The following NGLY1 variants were observed in gnomAD, a reference collection of about 807,000 sequenced individuals.
The protein encoded by NGLY1 is N-glycanase 1.
A neutral mutation model predicts 84.6 loss-of-function variants in NGLY1; 68 were observed. The ratio of observed to expected loss-of-function variants is 0.80; its 90% CI spans 0.66 to 0.98. The LOEUF (loss-of-function observed/expected upper bound fraction) is 0.98. Ranked by LOEUF, NGLY1 falls within the 50% of genes least tolerant of loss-of-function variation. The pLI is 0.00. For synonymous variants in NGLY1, 280 were observed against 275.2 expected (o/e 1.02, Z -0.17); for missense variants, 779 against 770.2 (o/e 1.01, Z -0.14).
chr3:25,787,716 G>A (rs1183689841), upstream of NGLY1, among the ~76,000 whole-genome samples: 2 of 152,174 alleles, frequency 1.3e-5, no homozygotes, highest in Non-Finnish European at 2.9e-5. Context: ...TATGGTCTCT[G>A]AACTACGGGA....
At chr3:25,771,795 A>G (rs6777695) in intron 2 of NGLY1, among the ~76,000 whole-genome samples, 123,971 of 152,054 alleles carry the variant, frequency 0.82, 50,930 homozygotes, top group East Asian at 0.94. Flanking sequence ...TTATTGCAGC[A>G]ATTGTAAAAG....
At chr3:25,773,542 T>G (rs537341082) in intron 2 of NGLY1, among the ~76,000 whole-genome samples, 2 of 152,324 alleles carry the variant, frequency 1.3e-5, no homozygotes, top group African/African-American at 4.8e-5. Flanking sequence ...TGTATCACTC[T>G]TTAAATTTCT....
chr3:25,788,144 T>A (rs1708644457), upstream of NGLY1, among the ~76,000 whole-genome samples: 1 of 152,198 alleles, frequency 6.6e-6, no homozygotes, highest in South Asian at 2.1e-4. Context: ...CCTCTACTCA[T>A]TTTTGCATTC....
Position 25,729,147 on chromosome 3 carries a change from T to C in NGLY1, c.1597A>G (p.Thr533Ala), listed in dbSNP as rs775390029. 1.3e-6 allele frequency: 2 copies of C among 1,512,126 alleles called. No individual in the cohort carries two copies. Among genetic ancestry groups the C allele is most frequent in the South Asian group, 1.4e-5 (1 of 73,704 alleles). The allele number at this position is 1,512,126 out of a possible 1,614,324, so 93.7% of individuals were successfully genotyped here. ...CATTAAGTTACCATGTGCCAGTCTG[T>C]TTCAACTTTTCTGAATATAGATTCC... ...KMESIFRKVE[T>A]DWHMVYLARK... is the part of the protein sequence containing the mutation. Residue 533 changes from threonine (T) to alanine (A), a missense_variant, in exon 10 of 12, where the codon ACA (threonine) becomes GCA (alanine). Transcript: ENST00000280700.
intron 2 of NGLY1, among the ~76,000 whole-genome samples, chr3:25,776,467 C>T (rs970528502): frequency 6.6e-6 from 1 of 152,100 alleles, no homozygotes; most frequent in East Asian, 1.9e-4. Context: ...TCTTTATGTT[C>T]GGATACCTTT....
intron 1 of NGLY1, among the ~76,000 whole-genome samples, chr3:25,782,182 A>C (rs2125328957): frequency 6.6e-6 from 1 of 152,288 alleles, no homozygotes; most frequent in South Asian, 2.1e-4. Flanking sequence ...CCATTGCCTA[A>C]ATGAAATATT....
chr3:25,770,470 T>C lies in NGLY1; in HGVS notation c.247-6159A>G, dbSNP rs78376968. ...TGGCCTCCACATTTTCTTCATCCAC[T>C]TGTTGACTGATGGATTGATTCCATA... On this transcript the variant is annotated intron_variant, in intron 2 of 11. Coordinates refer to ENST00000280700, the MANE Select transcript of NGLY1 (RefSeq NM_018297.4). Among the ~76,000 whole-genome samples, 684 of 152,292 alleles carry C rather than the reference T, an allele frequency of 4.5e-3. 5 individuals carry two copies. Among genetic ancestry groups the C allele is most frequent in the African/African-American group, 0.015 (642 of 41,570 alleles).
chr3:25,755,511 C>T (rs753269262), intron 3 of NGLY1: 8 of 1,454,878 alleles, frequency 5.5e-6, no homozygotes, highest in Non-Finnish European at 7.7e-6. Flanking sequence ...ACCTGTCAAA[C>T]CAGTTCCTGC....
At chr3:25,768,112 C>CAAAAAA (rs1165791295) in intron 2 of NGLY1, among the ~76,000 whole-genome samples, 2 of 49,152 alleles carry the variant, frequency 4.1e-5, no homozygotes, top group Non-Finnish European at 7.6e-5. Flanking sequence ...GACTCCATCT[C>CAAAAAA]AAAAAAAAAA....
At chr3:25,726,226 A>ACG (rs1228857262) in intron 10 of NGLY1, among the ~76,000 whole-genome samples, 1 of 152,226 alleles carries the variant, frequency 6.6e-6, no homozygotes, top group East Asian at 1.9e-4. Context: ...AATTTATGCC[A>ACG]CGTACATTTT....
At chr3:25,724,870 T>C (rs963274558) in intron 10 of NGLY1, among the ~76,000 whole-genome samples, 1 of 152,238 alleles carries the variant, frequency 6.6e-6, no homozygotes, top group Non-Finnish European at 1.5e-5. Context: ...TATTATGATA[T>C]GTGTATATAT....
rs1020269804 is a variant in NGLY1, at chr3:25,783,153, G to A, written c.131+107C>T. 1.9e-6 allele frequency: 2 copies of A among 1,044,420 alleles called. No individual in the cohort carries two copies. The highest frequency in any genetic ancestry group is 2.8e-6 in the Non-Finnish European group (2 of 709,212). The allele number at this position is 1,044,420 out of a possible 1,614,324, so 64.7% of individuals were successfully genotyped here. On this transcript the variant is annotated intron_variant, in intron 1 of 11. Transcript: ENST00000280700. The surrounding 1 kb of genome is among the most constrained non-coding windows in gnomAD (Gnocchi z 4.5). Reference sequence around the variant, plus strand: ...CAGCTCCAGGTCCCGGTCTGTCCGGGCGTCGCTGCCCTCTGAAGCTCAGGC... The same window carrying A: ...CAGCTCCAGGTCCCGGTCTGTCCGGACGTCGCTGCCCTCTGAAGCTCAGGC...
At chr3:25,778,750 T>C (rs949697369) in intron 1 of NGLY1, 62 bp from the exon 2 acceptor site, 15 of 986,028 alleles carry the variant, frequency 1.5e-5, no homozygotes, top group Admixed American at 8.8e-5. Flanking sequence ...CTTCAAAGAC[T>C]TTACTTTCAA....
At chr3:25,741,247 C>T (rs1032461754) in intron 4 of NGLY1, among the ~76,000 whole-genome samples, 2 of 151,770 alleles carry the variant, frequency 1.3e-5, no homozygotes, top group African/African-American at 2.4e-5. Flanking sequence ...ATTTGCCTAC[C>T]GTGTATCAAG....
At chr3:25,747,049 T>C (rs956002382) in intron 4 of NGLY1, among the ~76,000 whole-genome samples, 3 of 152,248 alleles carry the variant, frequency 2.0e-5, no homozygotes, top group Non-Finnish European at 4.4e-5. Flanking sequence ...TTGGCCAAGC[T>C]GGTCTACAAC....
In NGLY1 at chr3:25,783,224, C is replaced by A. The variant is rs767533457; in HGVS notation, c.131+36G>T. The A allele has an allele frequency of 6.3e-7, 1 of 1,578,154 alleles. No individual in the cohort carries two copies. On this transcript the variant is annotated intron_variant, in intron 1 of 11. Coordinates refer to ENST00000280700, the MANE Select transcript of NGLY1 (RefSeq NM_018297.4). This position sits in a 1 kb window ranked among gnomAD's most constrained non-coding sequence, Gnocchi z 4.5. ...CGAACAAGGTGCCGCGGCCCACCCA[C>A]CCCGGTACCCGCCGTCCGACCCCGT...
At chr3:25,740,210 A>C (rs1409403800) in intron 4 of NGLY1, among the ~76,000 whole-genome samples, 1 of 152,206 alleles carries the variant, frequency 6.6e-6, no homozygotes, top group African/African-American at 2.4e-5. Flanking sequence ...TAAACATGAA[A>C]CAATCACAAA....
intron 2 of NGLY1, among the ~76,000 whole-genome samples, chr3:25,770,861 C>A (rs926416627): frequency 6.6e-6 from 1 of 152,096 alleles, no homozygotes; most frequent in African/African-American, 2.4e-5. Flanking sequence ...CTTTTCAGAA[C>A]TGCCTATTCA....
chr3:25,747,351 A>G (rs1395402224), intron 4 of NGLY1, among the ~76,000 whole-genome samples: 3 of 152,228 alleles, frequency 2.0e-5, no homozygotes, highest in African/African-American at 7.2e-5. Context: ...CTTATTGTAC[A>G]CACAGGAAAA....
Sources: allele counts gnomAD v4.1 joint callset (sites outside exome capture counted in the v4.1 genomes callset), GRCh38; gene constraint gnomAD v4.1.1; non-coding constraint Gnocchi (gnomAD v3.1); transcripts MANE v1.5; gene names NCBI Gene and HGNC (gene_info 2026-07-23, HGNC 2026-07-21).